SV2B: variants seen among roughly 807,000 people sequenced by gnomAD.
SV2B encodes the protein synaptic vesicle glycoprotein 2B.
Under a neutral mutation model 73.9 loss-of-function variants are expected in SV2B, and 41 were observed. That is an observed-to-expected ratio of 0.56 (90% CI 0.43 to 0.72). SV2B has a LOEUF of 0.72. Ranked by LOEUF, SV2B falls within the 30% of genes least tolerant of loss-of-function variation. The probability of loss-of-function intolerance (pLI) is 0.00; values close to 1 mark genes in which losing one functional copy is unlikely to be tolerated. For missense variants in SV2B, 764 were observed against 857.8 expected (o/e 0.89, Z 1.37); for synonymous variants, 314 against 314.2 (o/e 1.00, Z 0.01).
In SV2B at chr15:91,251,904, C is replaced by T. The variant is rs369772157; in HGVS notation, c.537C>T (p.Ser179=). The stretch of plus-strand genomic sequence containing the variant: ...AGCTGGGAAGGAAGCGAGTCCTCAG[C>T]ATGTCTCTGGCCGTCAATGCCTCCT... ...ADKLGRKRVL[S]MSLAVNASFA... is the part of the protein sequence containing the mutation. The change falls in exon 3 of 13, where the codon AGC becomes AGT. Residue 179 remains serine (S), a synonymous_variant. Transcript: ENST00000394232. 3.0e-4 allele frequency: 483 copies of T among 1,614,184 alleles called. 8 individuals carry two copies. In the South Asian group the frequency reaches 5.2e-3, roughly 17 times the overall value.
intron 1 of SV2B, among the ~76,000 whole-genome samples, chr15:91,182,054 A>G (rs947593345): frequency 6.6e-6 from 1 of 152,168 alleles, no homozygotes; most frequent in Non-Finnish European, 1.5e-5. Context: ...TAGGTGTAAG[A>G]TTGTATAGAA....
intron 1 of SV2B, among the ~76,000 whole-genome samples, chr15:91,155,655 C>T (rs569806920): frequency 7.2e-5 from 11 of 152,176 alleles, no homozygotes; most frequent in South Asian, 2.1e-4. Flanking sequence ...TTTCTCTCTC[C>T]GCTGCTTGTT....
In SV2B at chr15:91,289,663, G is replaced by A; in HGVS notation, c.1851G>A (p.Leu617=). The A allele has an allele frequency of 6.2e-7, 1 of 1,613,226 alleles. No individual in the cohort carries two copies. Residue 617 remains leucine (L), a synonymous_variant, in exon 12 of 13, where the codon CTG becomes CTA. Transcript: ENST00000394232. The surrounding 1 kb of genome is among the most constrained non-coding windows in gnomAD (Gnocchi z 4.9). ...CTCTGGATGTGATCACAGTGGAGCT[G>A]TATCCCACCAACCAGAGGTCAGTTC... ...WNALDVITVE[L]YPTNQRATAF...
rs534389282 is a variant in SV2B, at chr15:91,100,608, A to G, written c.-392+245A>G. ...AAGCGGCCTCCCCAAGGGCTGTTTTAAAACCCTGTTTGAACTATTAGCGCC... is the reference window on the plus strand; with the variant it reads ...AAGCGGCCTCCCCAAGGGCTGTTTTGAAACCCTGTTTGAACTATTAGCGCC... On this transcript the variant is annotated intron_variant, in intron 1 of 12. Transcript: ENST00000394232. The surrounding 1 kb of genome is among the most constrained non-coding windows in gnomAD (Gnocchi z 6.4). Among the ~76,000 whole-genome samples the G allele has an allele frequency of 1.2e-4, 19 of 152,358 alleles. 1 individual carries two copies. The highest frequency in any genetic ancestry group is 4.6e-4 in the African/African-American group (19 of 41,584).
chr15:91,160,069 A>C (rs1567301912), intron 1 of SV2B, among the ~76,000 whole-genome samples: 1 of 152,224 alleles, frequency 6.6e-6, no homozygotes, highest in Non-Finnish European at 1.5e-5. Flanking sequence ...AATGTTCCCA[A>C]AGTAATATAT....
Position 91,289,153 on chromosome 15 carries a change from GT to G in SV2B, c.1709-362del, listed in dbSNP as rs1172818113. On this transcript the variant is annotated intron_variant, in intron 11 of 12. Coordinates refer to ENST00000394232, the MANE Select transcript of SV2B (RefSeq NM_001323032.3). This position sits in a 1 kb window ranked among gnomAD's most constrained non-coding sequence, Gnocchi z 4.9. ...AATCAAGACTGAGGTTTTTGTTTTT[GT>G]TTTTTGGCCAATACTGATGTAGCTC... 6.6e-6 allele frequency among the ~76,000 whole-genome samples: 1 copy of G among 152,114 alleles called. No individual in the cohort carries two copies. The highest frequency in any genetic ancestry group is 2.4e-5 in the African/African-American group (1 of 41,428).
At chr15:91,179,458 C>G (rs2044460834) in intron 1 of SV2B, among the ~76,000 whole-genome samples, 1 of 152,122 alleles carries the variant, frequency 6.6e-6, no homozygotes. Flanking sequence ...TGTTGACTTT[C>G]TGTCTCGTTG....
chr15:91,262,171 CTG>C (rs913372637), intron 6 of SV2B, among the ~76,000 whole-genome samples: 31 of 152,252 alleles, frequency 2.0e-4, no homozygotes, highest in African/African-American at 7.2e-4. Context: ...AAGGTACTCT[CTG>C]TGCCTCATTT....
Position 91,282,973 on chromosome 15 carries a change from T to A in SV2B, c.1508-1048T>A, listed in dbSNP as rs145993923. On this transcript the variant is annotated intron_variant, in intron 10 of 12. Transcript: ENST00000394232. ...TCAAGTTTGAATGATGCCTCCTCATTTGAATACTCTTACCATGGAGATTCT... is the reference window on the plus strand; with the variant it reads ...TCAAGTTTGAATGATGCCTCCTCATATGAATACTCTTACCATGGAGATTCT... Among the ~76,000 whole-genome samples, 6 of 152,336 alleles carry A rather than the reference T, an allele frequency of 3.9e-5. No homozygotes were observed. The East Asian group carries it at 1.2e-3, about 29-fold the overall frequency.
intron 1 of SV2B, among the ~76,000 whole-genome samples, chr15:91,154,711 G>A (rs563201324): frequency 6.6e-6 from 1 of 152,278 alleles, no homozygotes; most frequent in African/African-American, 2.4e-5. Flanking sequence ...GCCACGTGAT[G>A]ACAGAAGTAG....
At chr15:91,168,332 A>AGAGAGAG (rs1567308862) in intron 1 of SV2B, among the ~76,000 whole-genome samples, 16 of 78,406 alleles carry the variant, frequency 2.0e-4, no homozygotes, top group African/African-American at 5.5e-4. Context: ...GAGAGAGAGA[A>AGAGAGAG]AAGAAATTTC....
rs1838335088 is a variant in SV2B at position 91,253,270 on chromosome 15, C to A, written c.784+750C>A. Among the ~76,000 whole-genome samples, 1 of 152,152 alleles carries A rather than the reference C, an allele frequency of 6.6e-6. No homozygotes were observed. Among genetic ancestry groups the A allele is most frequent in the South Asian group, 2.1e-4 (1 of 4,824 alleles). Reference sequence around the variant, plus strand: ...TCATTCAAAATCATTTTTGGTAAATCACTGATTATGAGTATAGGTTCAGCA... The same window carrying A: ...TCATTCAAAATCATTTTTGGTAAATAACTGATTATGAGTATAGGTTCAGCA... On this transcript the variant is annotated intron_variant, in intron 4 of 12. Transcript: ENST00000394232. The surrounding 1 kb of genome is among the most constrained non-coding windows in gnomAD (Gnocchi z 5.0).
intron 9 of SV2B, among the ~76,000 whole-genome samples, chr15:91,278,256 A>AT (rs1478538489): frequency 2.0e-5 from 3 of 152,092 alleles, no homozygotes; most frequent in South Asian, 4.1e-4. Context: ...TATTTTATAG[A>AT]TTTTTTTAAA....
intron 1 of SV2B, among the ~76,000 whole-genome samples, chr15:91,216,635 G>A (rs548360879): frequency 4.1e-4 from 63 of 151,810 alleles, no homozygotes; most frequent in African/African-American, 1.5e-3. Flanking sequence ...ACCACGCCCA[G>A]CTAATTTTTA....
At chr15:91,168,300 A>G (rs775472423) in intron 1 of SV2B, among the ~76,000 whole-genome samples, 4 of 64,598 alleles carry the variant, frequency 6.2e-5, no homozygotes, top group Non-Finnish European at 1.0e-4. Flanking sequence ...ATGGTGAGAT[A>G]CGAGAGAGAG....
At chr15:91,217,852 A>T (rs1002857060) in intron 1 of SV2B, among the ~76,000 whole-genome samples, 1 of 152,246 alleles carries the variant, frequency 6.6e-6, no homozygotes, top group Non-Finnish European at 1.5e-5. Context: ...ATGCTCCCTC[A>T]ATGCCTTTAT....
In SV2B at chr15:91,234,254, A is replaced by C. The variant is rs1028617472; in HGVS notation, c.451+7540A>C. On this transcript the variant is annotated intron_variant, in intron 2 of 12. Transcript: ENST00000394232. The surrounding 1 kb of genome is among the most constrained non-coding windows in gnomAD (Gnocchi z 5.6). ...CCCTCACTTGGAGGGTTCAGAGGAC[A>C]CATCTTTTACCATGACTATGTGAGT... Among the ~76,000 whole-genome samples, 1 of 152,226 alleles carries C rather than the reference A, an allele frequency of 6.6e-6. No individual in the cohort carries two copies. The highest frequency in any genetic ancestry group is 2.4e-5 in the African/African-American group (1 of 41,460).
At position 91,284,289 on chromosome 15, in the gene SV2B, CA is replaced by C; in HGVS notation, c.1708+69del. ...GGTGGTGACTTTCAAGTGTATTAAA[CA>C]GGGAAATTTTCCCTTTTATTAAATA... On this transcript the variant is annotated intron_variant, in intron 11 of 12. Transcript: ENST00000394232. The surrounding 1 kb of genome is among the most constrained non-coding windows in gnomAD (Gnocchi z 4.5). 6.5e-7 allele frequency: 1 copy of C among 1,535,652 alleles called. No homozygotes were observed. The highest frequency in any genetic ancestry group is 1.2e-5 in the South Asian group (1 of 86,780).
Position 91,299,115 on chromosome 15 carries a change from C to T in SV2B, c.*6563C>T, listed in dbSNP as rs1214175415. The T allele has an allele frequency of 6.6e-6, 1 of 152,032 alleles. No individual in the cohort carries two copies. Among genetic ancestry groups the T allele is most frequent in the Non-Finnish European group, 1.5e-5 (1 of 68,010 alleles). The allele number at this position is 152,032 out of a possible 1,614,324, so 9.4% of individuals were successfully genotyped here. A position where few individuals can be genotyped will look rare whatever the true frequency, so the allele number is the denominator to read the frequency against. On this transcript the variant is annotated 3_prime_UTR_variant, in exon 13 of 13. Coordinates refer to ENST00000394232, the MANE Select transcript of SV2B (RefSeq NM_001323032.3). Reference sequence around the variant, plus strand: ...ATATATACATACATATATATACACACACACATTATGTTATACACCATAAAT... The same window carrying T: ...ATATATACATACATATATATACACATACACATTATGTTATACACCATAAAT...
Sources: allele counts gnomAD v4.1 joint callset (sites outside exome capture counted in the v4.1 genomes callset), GRCh38; gene constraint gnomAD v4.1.1; non-coding constraint Gnocchi (gnomAD v3.1); transcripts MANE v1.5; gene names NCBI Gene and HGNC (gene_info 2026-07-23, HGNC 2026-07-21).